Variants in SLC4A4 observed in about 807,000 individuals in gnomAD.
SLC4A4 encodes the protein electrogenic sodium bicarbonate cotransporter 1.
Under a neutral mutation model 111.5 loss-of-function variants are expected in SLC4A4, and 27 were observed. The observed-to-expected ratio is 0.24, with a 90% confidence interval of 0.18 to 0.33. SLC4A4 has a LOEUF of 0.33. SLC4A4 is among the 10% of genes least tolerant of loss of function. The pLI, the probability that SLC4A4 is intolerant of heterozygous loss-of-function variation, is 1.00. For synonymous variants in SLC4A4, 443 were observed against 463.4 expected (o/e 0.96, Z 0.57); for missense variants, 909 against 1,315.5 (o/e 0.69, Z 4.78).
In SLC4A4 at chr4:71,533,805, G is replaced by A. The variant is rs6813326; in HGVS notation, c.2281-422G>A. ...CATGAACAAAATTCATGGTGATTTGGTAATTTCTTGCTACCTTTTTACTGA... is the reference window on the plus strand; with the variant it reads ...CATGAACAAAATTCATGGTGATTTGATAATTTCTTGCTACCTTTTTACTGA... On this transcript the variant is annotated intron_variant, in intron 17 of 25. Transcript: ENST00000264485. 2.0e-3 allele frequency among the ~76,000 whole-genome samples: 307 copies of A among 152,104 alleles called. 3 individuals carry two copies. The highest frequency in any genetic ancestry group is 7.1e-3 in the African/African-American group (294 of 41,542).
intron 2 of SLC4A4, among the ~76,000 whole-genome samples, chr4:71,175,841 A>G (rs1200080356): frequency 6.6e-6 from 1 of 152,172 alleles, no homozygotes; most frequent in African/African-American, 2.4e-5. Context: ...CGGTTCTCCA[A>G]GCACACAGCT....
chr4:71,157,483 T>C (rs796687693), intron 2 of SLC4A4, among the ~76,000 whole-genome samples: 3 of 152,326 alleles, frequency 2.0e-5, no homozygotes, highest in African/African-American at 7.2e-5. Context: ...TTTTTATGTC[T>C]AGATCTTTTG....
At chr4:71,384,439 A>G (rs1280470033) in intron 6 of SLC4A4, among the ~76,000 whole-genome samples, 4 of 152,110 alleles carry the variant, frequency 2.6e-5, no homozygotes, top group Non-Finnish European at 5.9e-5. Context: ...AGAGTGTATC[A>G]CTTAAATGAA....
At chr4:71,465,735 A>G (rs1189721121) in intron 12 of SLC4A4, among the ~76,000 whole-genome samples, 1 of 151,916 alleles carries the variant, frequency 6.6e-6, no homozygotes, top group Non-Finnish European at 1.5e-5. Flanking sequence ...AAGGAAAATG[A>G]TGGGTTGATT....
At chr4:71,157,102 A>G (rs576543686) in intron 2 of SLC4A4, among the ~76,000 whole-genome samples, 3 of 152,316 alleles carry the variant, frequency 2.0e-5, no homozygotes, top group South Asian at 4.1e-4. Context: ...ATGTAAATAC[A>G]CCACTCCAAC....
intron 6 of SLC4A4, among the ~76,000 whole-genome samples, chr4:71,377,719 C>T (rs567995001): frequency 3.3e-5 from 5 of 152,198 alleles, no homozygotes; most frequent in South Asian, 4.2e-4. Context: ...CCACAGTCAC[C>T]GTAGCAGTAA....
At chr4:71,221,023 T>C (rs1718715850) in intron 1 of SLC4A4, among the ~76,000 whole-genome samples, 1 of 152,206 alleles carries the variant, frequency 6.6e-6, no homozygotes, top group Non-Finnish European at 1.5e-5. Flanking sequence ...TCCAGCTGCA[T>C]CCATGTTCCT....
intron 20 of SLC4A4, among the ~76,000 whole-genome samples, chr4:71,552,055 TCTG>T (rs1736039801): frequency 6.6e-6 from 1 of 151,866 alleles, no homozygotes; most frequent in Non-Finnish European, 1.5e-5. Flanking sequence ...CAAGGAGAGT[TCTG>T]CTGGGCAATT....
At chr4:71,403,448 T>C (rs143782001) in intron 7 of SLC4A4, among the ~76,000 whole-genome samples, 4 of 152,240 alleles carry the variant, frequency 2.6e-5, no homozygotes, top group African/African-American at 9.6e-5. Context: ...AATAAATACA[T>C]AGGATAATTT....
chr4:71,231,256 C>A (rs1448857314), intron 1 of SLC4A4, among the ~76,000 whole-genome samples: 1 of 152,130 alleles, frequency 6.6e-6, no homozygotes, highest in African/African-American at 2.4e-5. Flanking sequence ...CAGCTGCTTG[C>A]GCTGTGCGGA....
At chr4:71,388,265 G>A (rs1223641558) in intron 6 of SLC4A4, among the ~76,000 whole-genome samples, 5 of 152,152 alleles carry the variant, frequency 3.3e-5, no homozygotes, top group African/African-American at 9.7e-5. Flanking sequence ...GTGTGGGTAT[G>A]TGTCTATGTA....
chr4:71,208,972 G>A (rs1299528092), intron 1 of SLC4A4, among the ~76,000 whole-genome samples: 1 of 152,004 alleles, frequency 6.6e-6, no homozygotes, highest in South Asian at 2.1e-4. Flanking sequence ...TGGAATATTT[G>A]GTTATAGAGA....
intron 3 of SLC4A4, among the ~76,000 whole-genome samples, chr4:71,332,477 T>C (rs112768178): frequency 9.3e-5 from 14 of 150,410 alleles, no homozygotes; most frequent in African/African-American, 1.7e-4. Flanking sequence ...CGGAGTCTCG[T>C]TCTGTCGCCC....
chr4:71,536,061 C>T (rs530218309), intron 18 of SLC4A4, among the ~76,000 whole-genome samples: 2 of 152,192 alleles, frequency 1.3e-5, no homozygotes, highest in Non-Finnish European at 2.9e-5. Flanking sequence ...CTCTGAGATA[C>T]TTTTAATTCT....
chr4:71,301,045 C>A (rs1725212547), intron 3 of SLC4A4: 1 of 415,168 alleles, frequency 2.4e-6, no homozygotes, highest in Non-Finnish European at 4.9e-6. Flanking sequence ...GGAGAAGGTG[C>A]TTAACAGTAG....
chr4:71,523,741 T>C (rs181405454), intron 16 of SLC4A4, among the ~76,000 whole-genome samples: 6 of 152,270 alleles, frequency 3.9e-5, no homozygotes, highest in African/African-American at 1.4e-4. Flanking sequence ...GATTAATTAT[T>C]ATTTTTAAAC....
chr4:71,187,666 T>C lies in SLC4A4; in HGVS notation c.-2+265T>C, dbSNP rs139833139. Reference sequence around the variant, plus strand: ...TTTGGGTGGTCTGCTTCTCCCTCACTGCTAAGTCCCCTGCGCGCAACTGGG... The same window carrying C: ...TTTGGGTGGTCTGCTTCTCCCTCACCGCTAAGTCCCCTGCGCGCAACTGGG... On this transcript the variant is annotated intron_variant, in intron 1 of 25. Coordinates refer to ENST00000264485, the MANE Select transcript of SLC4A4 (RefSeq NM_001098484.3). Among the ~76,000 whole-genome samples, 216 of 152,246 alleles carry C rather than the reference T, an allele frequency of 1.4e-3. 6 individuals carry two copies. The highest frequency in any genetic ancestry group is 0.012 in the Admixed American group (176 of 15,304).
chr4:71,146,934 A>G (rs534817004), intron 2 of SLC4A4, among the ~76,000 whole-genome samples: 1 of 152,328 alleles, frequency 6.6e-6, no homozygotes, highest in South Asian at 2.1e-4. Flanking sequence ...ATTAAAAGGC[A>G]CAGACTGGCA....
At chr4:71,171,377 G>C (rs573559942) in intron 2 of SLC4A4, among the ~76,000 whole-genome samples, 24 of 152,280 alleles carry the variant, frequency 1.6e-4, no homozygotes, top group African/African-American at 5.5e-4. Flanking sequence ...ATAGTAGAAA[G>C]AGCATAGGCC....
Sources: allele counts gnomAD v4.1 joint callset (sites outside exome capture counted in the v4.1 genomes callset), GRCh38; gene constraint gnomAD v4.1.1; transcripts MANE v1.5; gene names NCBI Gene and HGNC (gene_info 2026-07-23, HGNC 2026-07-21).